The following TRAK2 variants were observed in gnomAD, a reference collection of about 807,000 sequenced individuals.
TRAK2 encodes trafficking kinesin-binding protein 2.
Under a neutral mutation model 104.6 loss-of-function variants are expected in TRAK2, and 81 were observed. The observed-to-expected ratio is 0.77, with a 90% confidence interval of 0.65 to 0.93. TRAK2 has a LOEUF of 0.93. Among genes scored for constraint, TRAK2 ranks in the 40% least tolerant of loss-of-function variants. The pLI, the probability that TRAK2 is intolerant of heterozygous loss-of-function variation, is 0.00. For missense variants in TRAK2, 1,002 were observed against 1,089.0 expected, an observed-to-expected ratio of 0.92 and a Z score of 1.12; for synonymous variants, 406 against 394.4, an observed-to-expected ratio of 1.03 and a Z score of -0.35.
At position 201,432,113 on chromosome 2, in the gene TRAK2, A is replaced by G. The variant is rs143676663; in HGVS notation, c.-199-11407T>C. ...TATTGTACCTTACACAATGTTGGGC[A>G]CAATCTACGGCCTACTCTCAATTGC... On this transcript the variant is annotated intron_variant, in intron 1 of 15. Coordinates refer to ENST00000332624, the MANE Select transcript of TRAK2 (RefSeq NM_015049.3). 3.1e-4 allele frequency among the ~76,000 whole-genome samples: 47 copies of G among 152,344 alleles called. No individual in the cohort carries two copies. In the East Asian group the frequency reaches 8.7e-3, roughly 28 times the overall value.
chr2:201,431,919 T>C (rs1343856526), intron 1 of TRAK2, among the ~76,000 whole-genome samples: 2 of 152,200 alleles, frequency 1.3e-5, no homozygotes, highest in African/African-American at 4.8e-5. Context: ...AAGTGAATTA[T>C]GACAGGATAA....
intron 1 of TRAK2, chr2:201,423,631 A>T (rs1164419628): frequency 6.6e-6 from 1 of 152,202 alleles, no homozygotes; most frequent in African/African-American, 2.4e-5. Flanking sequence ...AAATTTGATG[A>T]ATTAGTGGTG....
intron 14 of TRAK2, among the ~76,000 whole-genome samples, chr2:201,385,267 C>T (rs1054240176): frequency 2.6e-5 from 4 of 152,020 alleles, no homozygotes; most frequent in African/African-American, 7.2e-5. Context: ...AAATGACCAA[C>T]GCATGATCTT....
rs34594680 is a variant in TRAK2 at position 201,380,700 on chromosome 2, A to T, written c.2588T>A (p.Ile863Asn). The T allele has an allele frequency of 0.053, 85,847 of 1,613,942 alleles. 2,582 individuals carry two copies. Among genetic ancestry groups the T allele is most frequent in the African/African-American group, 0.11 (8,054 of 74,940 alleles). Residue 863 changes from isoleucine to asparagine, a missense_variant, in exon 16 of 16, where the codon ATT (isoleucine) becomes AAT (asparagine). Ile to Asn is a moderately radical substitution (Grantham distance 149). Transcript: ENST00000332624. Reference sequence around the variant, plus strand: ...AGCAGAATCTGGTTTTTGAGGACCAATTTCTGCCTCCTGGCATCTTCCATT... The same window carrying T: ...AGCAGAATCTGGTTTTTGAGGACCATTTTCTGCCTCCTGGCATCTTCCATT... ...QENGRCQEAE[I>N]GPQKPDSAVY... is the part of the protein sequence containing the mutation.
rs1197298822 is a variant in TRAK2 at position 201,387,684 on chromosome 2, G to A, written c.1696+19C>T. 4 of 1,565,572 alleles carry A rather than the reference G, an allele frequency of 2.6e-6. No individual in the cohort carries two copies. In the African/African-American group the frequency reaches 4.1e-5, roughly 16 times the overall value. On this transcript the variant is annotated intron_variant, in intron 13 of 15. Coordinates refer to ENST00000332624, the MANE Select transcript of TRAK2 (RefSeq NM_015049.3). ...CAGTAAGTCACATGGCTTAGTAAGG[G>A]CCCTTACTGATTTATTACCTTCAAG... is the stretch of plus-strand genomic sequence containing the variant.
At chr2:201,412,675 A>T in intron 2 of TRAK2, 1 of 1,536,722 alleles carries the variant, frequency 6.5e-7, no homozygotes, top group Non-Finnish European at 8.9e-7. Context: ...TTTACAAGGA[A>T]ATTTAGGCTC....
At chr2:201,388,594 A>G (rs1021995772) in intron 12 of TRAK2, among the ~76,000 whole-genome samples, 3 of 152,176 alleles carry the variant, frequency 2.0e-5, no homozygotes, top group African/African-American at 7.2e-5. Flanking sequence ...TGACTTCAAC[A>G]CTTTTGAAAC....
At chr2:201,424,782 T>G (rs1040704557) in intron 1 of TRAK2, among the ~76,000 whole-genome samples, 1 of 151,560 alleles carries the variant, frequency 6.6e-6, no homozygotes, top group Non-Finnish European at 1.5e-5. Context: ...TTTTTTGTAT[T>G]TTTTTTAGTA....
intron 3 of TRAK2, among the ~76,000 whole-genome samples, chr2:201,402,063 TATG>T (rs1272219973): frequency 6.6e-6 from 1 of 152,046 alleles, no homozygotes; most frequent in Non-Finnish European, 1.5e-5. Context: ...AGATAATAAA[TATG>T]GAGGTGATAA....
In TRAK2 at chr2:201,413,048, C is replaced by T; in HGVS notation, c.92-5451G>A. ...TTGAAGTCGAGTTAAGTGTTGGACT[C>T]CTCATTTTAGAGAATCAATTATTTG... On this transcript the variant is annotated intron_variant, in intron 2 of 15. Transcript: ENST00000332624. 3 of 798,472 alleles carry T rather than the reference C, an allele frequency of 3.8e-6. No individual in the cohort carries two copies. The South Asian group carries it at 4.2e-5, about 11-fold the overall frequency. 49.5% of individuals were successfully genotyped at this position (798,472 alleles called of 1,614,324 possible).
chr2:201,445,039 A>C (rs1333908590), intron 1 of TRAK2, among the ~76,000 whole-genome samples: 1 of 152,196 alleles, frequency 6.6e-6, no homozygotes, highest in East Asian at 1.9e-4. Flanking sequence ...AAACACTGAC[A>C]AATAAATATA....
chr2:201,381,723 G>A (rs1442479302), intron 15 of TRAK2, among the ~76,000 whole-genome samples: 1 of 151,958 alleles, frequency 6.6e-6, no homozygotes, highest in East Asian at 1.9e-4. Flanking sequence ...ACTCTTCTGG[G>A]AGAAGTTTCT....
Position 201,379,555 on chromosome 2 carries a change from G to A in TRAK2, c.*988C>T, listed in dbSNP as rs1410876452. The A allele has an allele frequency of 1.3e-5, 2 of 152,508 alleles. No homozygotes were observed. The highest frequency in any genetic ancestry group is 2.9e-5 in the Non-Finnish European group (2 of 68,026). 9.4% of individuals were successfully genotyped at this position (152,508 alleles called of 1,614,324 possible). ...ATATGCATAGCGCACTTTGGAAAAA[G>A]TTGGTTTAGTTGTCACCAACTTTTC... On this transcript the variant is annotated 3_prime_UTR_variant, in exon 16 of 16. Transcript: ENST00000332624.
Position 201,397,558 on chromosome 2 carries a change from G to T in TRAK2, c.713C>A (p.Thr238Asn). 6.2e-7 allele frequency: 1 copy of T among 1,612,612 alleles called. No homozygotes were observed. The highest frequency in any genetic ancestry group is 1.7e-5 in the Admixed American group (1 of 59,950). ...TTGTTCCTTTTCTTCATAGGTAACA[G>T]TTTCTGTCTTTATGTGACAAGCCTT... is the stretch of plus-strand genomic sequence containing the variant. Reference protein sequence around the residue: ...RSKACHIKTETVTYEEKEQQL... With the variant: ...RSKACHIKTENVTYEEKEQQL... The change falls in exon 7 of 16, where the codon ACT becomes AAT. Residue 238 changes from threonine (T) to asparagine (N), a missense_variant. Physicochemically the swap from Thr to Asn is moderately conservative, Grantham distance 65 (BLOSUM62 0). Transcript: ENST00000332624.
rs1180865328 is a variant in TRAK2 at position 201,398,162 on chromosome 2, T to A, written c.673A>T (p.Met225Leu). The A allele has an allele frequency of 6.2e-7, 1 of 1,613,596 alleles. No homozygotes were observed. Among genetic ancestry groups the A allele is most frequent in the Admixed American group, 1.7e-5 (1 of 59,996 alleles). ...GAACGTACCTTGGATCGAAGAGCCATATTCTCTTCTTCCAGTTCCTTGAGC... is the reference window on the plus strand; with the variant it reads ...GAACGTACCTTGGATCGAAGAGCCAAATTCTCTTCTTCCAGTTCCTTGAGC... ...EKLKELEEEN[M>L]ALRSKACHIK... Residue 225 changes from methionine (M) to leucine (L), a missense_variant, in exon 6 of 16, where the codon ATG becomes TTG. Physicochemically the swap from Met to Leu is conservative, Grantham distance 15 (BLOSUM62 2). Coordinates refer to ENST00000332624, the MANE Select transcript of TRAK2 (RefSeq NM_015049.3).
At chr2:201,426,215 G>A (rs1374626421) in intron 1 of TRAK2, among the ~76,000 whole-genome samples, 1 of 152,158 alleles carries the variant, frequency 6.6e-6, no homozygotes, top group African/African-American at 2.4e-5. Context: ...TCTGCCTCCT[G>A]TCAGATCAGC....
At chr2:201,406,530 A>G (rs556011942) in intron 3 of TRAK2, among the ~76,000 whole-genome samples, 3 of 152,346 alleles carry the variant, frequency 2.0e-5, no homozygotes, top group African/African-American at 7.2e-5. Context: ...TATGAAAATG[A>G]GTATTGCACA....
chr2:201,438,921 G>C (rs942291496), intron 1 of TRAK2, among the ~76,000 whole-genome samples: 35 of 152,132 alleles, frequency 2.3e-4, no homozygotes, highest in Non-Finnish European at 4.4e-5. Flanking sequence ...TTTTAAGTGG[G>C]TAATTCTACA....
At chr2:201,431,204 T>G (rs767481549) in intron 1 of TRAK2, among the ~76,000 whole-genome samples, 1 of 152,342 alleles carries the variant, frequency 6.6e-6, no homozygotes, top group Non-Finnish European at 1.5e-5. Flanking sequence ...GGTTTGCTAA[T>G]AACAAAAAAG....
Sources: allele counts gnomAD v4.1 joint callset (sites outside exome capture counted in the v4.1 genomes callset), GRCh38; gene constraint gnomAD v4.1.1; transcripts MANE v1.5; gene names NCBI Gene and HGNC (gene_info 2026-07-23, HGNC 2026-07-21).